The following CLEC7A variants were observed in gnomAD, a reference collection of about 807,000 sequenced individuals.
CLEC7A encodes the protein C-type lectin domain containing 7A.
Under a neutral mutation model 26.9 loss-of-function variants are expected in CLEC7A, and 25 were observed. The ratio of observed to expected loss-of-function variants is 0.93; its 90% CI spans 0.68 to 1.30. The LOEUF (loss-of-function observed/expected upper bound fraction) is 1.30. Among genes scored for constraint, CLEC7A ranks in the 50% most tolerant of loss-of-function variants. The pLI is 0.00. For synonymous variants in CLEC7A, 100 were observed against 99.5 expected (o/e 1.01, Z -0.03); for missense variants, 275 against 286.7 (o/e 0.96, Z 0.29).
At chr12:10,123,200 CCT>C (rs1813327953) in intron 5 of CLEC7A, 43 bp downstream of exon 5, 1 of 1,269,860 alleles carries the variant, frequency 7.9e-7, no homozygotes, top group South Asian at 1.2e-5. Flanking sequence ...GAGATGGAAA[CCT>C]CTCTGAGAAA....
intron 3 of CLEC7A, 37 bp from the exon 4 acceptor site, chr12:10,125,485 A>G: frequency 3.2e-6 from 5 of 1,555,204 alleles, no homozygotes; most frequent in Non-Finnish European, 4.4e-6. Context: ...GGTTCATAGC[A>G]TACCAATTCA....
chr12:10,118,596 A>G lies in CLEC7A; in HGVS notation c.612-6T>C. ...CTGTGGTTCTGATCTGAAATCTGTT[A>G]AAATAGAATACAGTGAGGTAATTAG... is the stretch of plus-strand genomic sequence containing the variant. On this transcript the variant is annotated splice_polypyrimidine_tract_variant and splice_region_variant and intron_variant, in intron 5 of 5. Transcript: ENST00000304084. The G allele has an allele frequency of 6.2e-7, 1 of 1,611,094 alleles. No individual in the cohort carries two copies. Among genetic ancestry groups the G allele is most frequent in the Non-Finnish European group, 8.5e-7 (1 of 1,178,150 alleles).
Position 10,123,232 on chromosome 12 carries a change from T to A in CLEC7A, c.611+13A>T, listed in dbSNP as rs1311116492. 6.6e-7 allele frequency: 1 copy of A among 1,512,842 alleles called. No homozygotes were observed. The highest frequency in any genetic ancestry group is 2.3e-5 in the East Asian group (1 of 44,404). 93.7% of individuals were successfully genotyped at this position (1,512,842 alleles called of 1,614,324 possible). A position where few individuals can be genotyped will look rare whatever the true frequency, so the allele number is the denominator to read the frequency against. ...GAGAAAAAGGATGAAGCATTGTCTC[T>A]CCAAACACTTACAAGTTAGAAGAGA... On this transcript the variant is annotated intron_variant, in intron 5 of 5. Coordinates refer to ENST00000304084, the MANE Select transcript of CLEC7A (RefSeq NM_197947.3).
At position 10,117,127 on chromosome 12, in the gene CLEC7A, T is replaced by C. The variant is rs1255283998; in HGVS notation, c.*1331A>G. The C allele has an allele frequency of 6.6e-6, 1 of 152,184 alleles. No homozygotes were observed. The highest frequency in any genetic ancestry group is 1.5e-5 in the Non-Finnish European group (1 of 68,030). The allele number at this position is 152,184 out of a possible 1,614,324, so 9.4% of individuals were successfully genotyped here. On this transcript the variant is annotated 3_prime_UTR_variant, in exon 6 of 6. Transcript: ENST00000304084. ...ATGTTAATACTTGTTCCAATGAGGTTGGTTACTTTTTTATATTCATCATCA... is the reference window on the plus strand; with the variant it reads ...ATGTTAATACTTGTTCCAATGAGGTCGGTTACTTTTTTATATTCATCATCA...
chr12:10,128,348 A>C (rs189739269), intron 1 of CLEC7A, among the ~76,000 whole-genome samples: 1 of 151,886 alleles, frequency 6.6e-6, no homozygotes, highest in African/African-American at 2.4e-5. Context: ...CTTCTCCACC[A>C]GTAAGGATAC....
At chr12:10,122,544 G>C (rs746955660) in intron 5 of CLEC7A, among the ~76,000 whole-genome samples, 1 of 143,176 alleles carries the variant, frequency 7.0e-6, no homozygotes, top group African/African-American at 2.7e-5. Context: ...TGTCATCCAG[G>C]CTGGAGTGCA....
chr12:10,127,983 G>A (rs1948354078), intron 1 of CLEC7A, 138 bp from the exon 2 acceptor site: 2 of 631,700 alleles, frequency 3.2e-6, no homozygotes, highest in East Asian at 5.6e-5. Flanking sequence ...GACTGAGGTA[G>A]GAGGATTGCT....
chr12:10,128,530 A>G (rs965681069), intron 1 of CLEC7A, among the ~76,000 whole-genome samples: 1 of 152,112 alleles, frequency 6.6e-6, no homozygotes, highest in Non-Finnish European at 1.5e-5. Context: ...ACTGATTACT[A>G]AGGGTAATTT....
At chr12:10,124,417 T>G (rs1170547246) in intron 4 of CLEC7A, among the ~76,000 whole-genome samples, 1 of 152,256 alleles carries the variant, frequency 6.6e-6, no homozygotes, top group Non-Finnish European at 1.5e-5. Flanking sequence ...TCATTCATGA[T>G]GTGTTATAAG....
chr12:10,129,869 C>T lies in CLEC7A; in HGVS notation c.103+111G>A, dbSNP rs112541911. 2.5e-3 allele frequency: 1,476 copies of T among 588,272 alleles called. 17 individuals are homozygous for T. The highest frequency in any genetic ancestry group is 0.022 in the African/African-American group (1,205 of 53,702). The allele number at this position is 588,272 out of a possible 1,614,324, so 36.4% of individuals were successfully genotyped here. A position where few individuals can be genotyped will look rare whatever the true frequency, so the allele number is the denominator to read the frequency against. ...CTGACCTCAGTCAATCCACCCGCCTCGGCCTCCCAAAGTGCTGGGATTACA... is the reference window on the plus strand; with the variant it reads ...CTGACCTCAGTCAATCCACCCGCCTTGGCCTCCCAAAGTGCTGGGATTACA... On this transcript the variant is annotated intron_variant, in intron 1 of 5. Coordinates refer to ENST00000304084, the MANE Select transcript of CLEC7A (RefSeq NM_197947.3).
chr12:10,129,870 G>A (rs555968287), intron 1 of CLEC7A, 110 bp downstream of exon 1: 54 of 583,578 alleles, frequency 9.3e-5, no homozygotes, highest in East Asian at 1.8e-4. Flanking sequence ...CACCCGCCTC[G>A]GCCTCCCAAA....
At chr12:10,120,711 A>G (rs536421722) in intron 5 of CLEC7A, among the ~76,000 whole-genome samples, 2 of 150,652 alleles carry the variant, frequency 1.3e-5, no homozygotes, top group East Asian at 4.0e-4. Context: ...TATAGGCGTG[A>G]GTCCCCGCGC....
intron 1 of CLEC7A, among the ~76,000 whole-genome samples, chr12:10,128,227 CA>C (rs1565409933): frequency 0.022 from 3,396 of 151,534 alleles, 149 homozygotes; most frequent in African/African-American, 0.077. Context: ...CACACACACA[CA>C]CACACACACA....
intron 5 of CLEC7A, among the ~76,000 whole-genome samples, chr12:10,121,106 C>G (rs1220892882): frequency 1.3e-5 from 2 of 151,196 alleles, no homozygotes; most frequent in East Asian, 3.9e-4. Context: ...AGAGAGTCAA[C>G]AGAGTAAAGG....
At chr12:10,128,231 CA>C (rs1948368334) in intron 1 of CLEC7A, among the ~76,000 whole-genome samples, 3 of 150,996 alleles carry the variant, frequency 2.0e-5, no homozygotes, top group Non-Finnish European at 4.4e-5. Flanking sequence ...CACACACACA[CA>C]CACACACACA....
At chr12:10,127,540 A>G in intron 2 of CLEC7A, 1 of 1,240,220 alleles carries the variant, frequency 8.1e-7, no homozygotes, top group Non-Finnish European at 1.2e-6. Context: ...TAACTAGCTT[A>G]TAACCCTGGA....
chr12:10,128,609 G>A (rs922394313), intron 1 of CLEC7A, among the ~76,000 whole-genome samples: 4 of 152,046 alleles, frequency 2.6e-5, no homozygotes, highest in Non-Finnish European at 5.9e-5. Flanking sequence ...ATTCCTCTTT[G>A]TGAAACTGGG....
intron 5 of CLEC7A, 30 bp downstream of exon 5, chr12:10,123,215 G>T: frequency 7.2e-7 from 1 of 1,391,664 alleles, no homozygotes; most frequent in Non-Finnish European, 1.0e-6. Context: ...CTGAGAAAAA[G>T]GATGAAGCAT....
At chr12:10,128,671 A>G (rs1005870076) in intron 1 of CLEC7A, among the ~76,000 whole-genome samples, 2 of 152,224 alleles carry the variant, frequency 1.3e-5, no homozygotes, top group African/African-American at 4.8e-5. Flanking sequence ...TAACACATAT[A>G]AAAGCACCTT....
Sources: allele counts gnomAD v4.1 joint callset (sites outside exome capture counted in the v4.1 genomes callset), GRCh38; gene constraint gnomAD v4.1.1; transcripts MANE v1.5; gene names NCBI Gene and HGNC (gene_info 2026-07-23, HGNC 2026-07-21).